The following SRD5A2 variants were observed in gnomAD, a reference collection of about 807,000 sequenced individuals.
The protein encoded by SRD5A2 is steroid 5 alpha-reductase 2.
SRD5A2 carries 30 observed loss-of-function variants against 27.4 expected under a neutral mutation model. The observed-to-expected ratio is 1.10, with a 90% CI of 0.82 to 1.49. SRD5A2 has a LOEUF of 1.49. Among genes scored for constraint, SRD5A2 ranks in the 40% most tolerant of loss-of-function variants. The pLI is 0.00. For missense variants in SRD5A2, 348 were observed against 323.4 expected (o/e 1.08, Z -0.58); for synonymous variants, 141 against 133.6 (o/e 1.06, Z -0.38).
At chr2:31,610,566 A>C in the SRD5A2 span, among the ~76,000 whole-genome samples, 4 of 152,188 alleles carry the variant, frequency 2.6e-5, no homozygotes, top group Non-Finnish European at 5.9e-5. Context: ...TTTTCTTCTA[A>C]GATCAAGAAC....
chr2:31,529,932 CT>C (rs1665869710), intron 3 of SRD5A2, among the ~76,000 whole-genome samples: 1 of 152,258 alleles, frequency 6.6e-6, no homozygotes, highest in African/African-American at 2.4e-5. Flanking sequence ...TTTAGATTCT[CT>C]TATGGGATTT....
chr2:31,657,023 C>CA, the SRD5A2 span, among the ~76,000 whole-genome samples: 4 of 151,716 alleles, frequency 2.6e-5, no homozygotes, highest in South Asian at 4.2e-4. Context: ...GAAACTATCA[C>CA]AAAAAAAAGT....
At chr2:31,585,383 A>G (rs992380600), upstream of SRD5A2, among the ~76,000 whole-genome samples, 8 of 152,088 alleles carry the variant, frequency 5.3e-5, no homozygotes, top group Non-Finnish European at 7.4e-5. Context: ...TCACAACTCT[A>G]AAAGAGACCC....
At chr2:31,533,830 C>T (rs1007089603) in intron 1 of SRD5A2, 64 bp from the exon 2 acceptor site, 1 of 1,519,730 alleles carries the variant, frequency 6.6e-7, no homozygotes, top group Non-Finnish European at 8.9e-7. Flanking sequence ...CTCATCCCCA[C>T]CTCTTTCTTA....
chr2:31,565,218 C>T (rs776171368), intron 1 of SRD5A2, among the ~76,000 whole-genome samples: 46 of 150,864 alleles, frequency 3.0e-4, no homozygotes, highest in Non-Finnish European at 5.6e-4. Context: ...AATAAACTGA[C>T]AATATAAATT....
chr2:31,540,886 T>C (rs1666115824), intron 1 of SRD5A2, among the ~76,000 whole-genome samples: 1 of 152,168 alleles, frequency 6.6e-6, no homozygotes, highest in African/African-American at 2.4e-5. Flanking sequence ...GCATATGTGC[T>C]TAGATTGATG....
upstream of SRD5A2, among the ~76,000 whole-genome samples, chr2:31,581,624 A>G (rs973733281): frequency 2.6e-5 from 4 of 152,120 alleles, no homozygotes; most frequent in Non-Finnish European, 4.4e-5. Context: ...CCTGGGTCAG[A>G]GAGGAGCGTC....
At chr2:31,545,760 G>A (rs1455110530) in intron 1 of SRD5A2, among the ~76,000 whole-genome samples, 1 of 152,084 alleles carries the variant, frequency 6.6e-6, no homozygotes, top group Non-Finnish European at 1.5e-5. Context: ...TCAGAAAGAA[G>A]GAACTAAAAT....
the SRD5A2 span, among the ~76,000 whole-genome samples, chr2:31,624,977 C>A: frequency 1.3e-5 from 2 of 152,234 alleles, no homozygotes; most frequent in East Asian, 3.8e-4. Context: ...CTCCCACCAA[C>A]AGAGTAAAAG....
At chr2:31,585,813 C>A (rs573506073), upstream of SRD5A2, among the ~76,000 whole-genome samples, 2 of 152,072 alleles carry the variant, frequency 1.3e-5, no homozygotes, top group African/African-American at 2.4e-5. Context: ...TCCTGGGCCA[C>A]AGGGAAGCCC....
At chr2:31,561,987 C>G (rs1666633611) in intron 1 of SRD5A2, among the ~76,000 whole-genome samples, 1 of 152,164 alleles carries the variant, frequency 6.6e-6, no homozygotes, top group South Asian at 2.1e-4. Flanking sequence ...ATTACAAAAT[C>G]AAGAAAATAC....
intron 1 of SRD5A2, among the ~76,000 whole-genome samples, chr2:31,555,665 A>G (rs1666480518): frequency 6.6e-6 from 1 of 152,162 alleles, no homozygotes; most frequent in South Asian, 2.1e-4. Context: ...TGAAGCTGGA[A>G]TTTTCCAGTT....
At chr2:31,554,971 G>GTGTGTA (rs1553326425) in intron 1 of SRD5A2, among the ~76,000 whole-genome samples, 12 of 134,696 alleles carry the variant, frequency 8.9e-5, no homozygotes, top group East Asian at 4.2e-4. Context: ...GTGTGTGTAT[G>GTGTGTA]TGTGTGTGTG....
chr2:31,582,546 T>G (rs916900443), upstream of SRD5A2, among the ~76,000 whole-genome samples: 1 of 152,332 alleles, frequency 6.6e-6, no homozygotes, highest in Non-Finnish European at 1.5e-5. Flanking sequence ...CGTTTCAAGC[T>G]TTTTTTGCAC....
chr2:31,596,731 C>T, the SRD5A2 span, among the ~76,000 whole-genome samples: 1 of 152,008 alleles, frequency 6.6e-6, no homozygotes, highest in Admixed American at 6.6e-5. Flanking sequence ...AGAACATAAC[C>T]CCTTTCAGAA....
chr2:31,601,070 A>G, the SRD5A2 span, among the ~76,000 whole-genome samples: 1 of 152,058 alleles, frequency 6.6e-6, no homozygotes, highest in African/African-American at 2.4e-5. Flanking sequence ...GAAATAACCA[A>G]GATCAGACCT....
At chr2:31,582,129 C>T (rs751344390), upstream of SRD5A2, among the ~76,000 whole-genome samples, 3 of 152,204 alleles carry the variant, frequency 2.0e-5, no homozygotes, top group Non-Finnish European at 4.4e-5. Context: ...CCTGTTTTCT[C>T]CTCTGGTCCC....
At chr2:31,534,441 T>C (rs1001665449) in intron 1 of SRD5A2, among the ~76,000 whole-genome samples, 2 of 152,158 alleles carry the variant, frequency 1.3e-5, no homozygotes, top group Non-Finnish European at 2.9e-5. Flanking sequence ...ACCCCTAGTT[T>C]GGCACATTCA....
chr2:31,607,604 T>A, the SRD5A2 span, among the ~76,000 whole-genome samples: 1 of 151,932 alleles, frequency 6.6e-6, no homozygotes. Flanking sequence ...TATAAGAGGA[T>A]TCATAGTTAC....
Sources: gnomAD v4.1 joint callset for allele counts (sites outside exome capture counted in the v4.1 genomes callset) on GRCh38, gnomAD v4.1.1 for gene constraint, MANE v1.5 for transcripts, NCBI Gene and HGNC (gene_info 2026-07-23, HGNC 2026-07-21) for gene names.